Variants in TSHZ2 observed in about 807,000 individuals in gnomAD.
The protein encoded by TSHZ2 is teashirt zinc finger homeobox 2, also known as teashirt homolog 2.
Under a neutral mutation model 74.4 loss-of-function variants are expected in TSHZ2, and 21 were observed. That is an observed-to-expected ratio of 0.28 (90% CI 0.20 to 0.41). The LOEUF is 0.41. Ranked by LOEUF, TSHZ2 falls within the 10% of genes least tolerant of loss-of-function variation. The pLI is 1.00. For synonymous variants in TSHZ2, 540 were observed against 515.3 expected, an observed-to-expected ratio of 1.05 and a Z score of -0.65; for missense variants, 1,244 against 1,293.5, an observed-to-expected ratio of 0.96 and a Z score of 0.59.
At chr20:53,040,288 G>C (rs985073757) in intron 1 of TSHZ2, among the ~76,000 whole-genome samples, 1 of 152,148 alleles carries the variant, frequency 6.6e-6, no homozygotes, top group Non-Finnish European at 1.5e-5. Flanking sequence ...AAAGTCCTGG[G>C]GCAGAGTCAT....
At chr20:53,216,962 C>T (rs1989450587) in intron 1 of TSHZ2, among the ~76,000 whole-genome samples, 1 of 152,180 alleles carries the variant, frequency 6.6e-6, no homozygotes, top group Non-Finnish European at 1.5e-5. Flanking sequence ...TTGGAAACGG[C>T]CCATCCCCAG....
intron 2 of TSHZ2, among the ~76,000 whole-genome samples, chr20:53,438,102 CT>C (rs904338838): frequency 4.1e-4 from 58 of 142,680 alleles, no homozygotes; most frequent in African/African-American, 7.4e-4. Context: ...ACTTTTCTTT[CT>C]TTTTTTTTTT....
intron 2 of TSHZ2, among the ~76,000 whole-genome samples, chr20:53,377,949 G>C (rs1288959184): frequency 6.6e-6 from 1 of 152,150 alleles, no homozygotes; most frequent in Non-Finnish European, 1.5e-5. Context: ...TCAGGGATAA[G>C]TATTCTCTCT....
chr20:53,026,365 T>TTC (rs1025687748), intron 1 of TSHZ2, among the ~76,000 whole-genome samples: 1 of 151,876 alleles, frequency 6.6e-6, no homozygotes, highest in African/African-American at 2.4e-5. Flanking sequence ...TTTTTTTTTT[T>TTC]TCTCTGAGAC....
intron 1 of TSHZ2, among the ~76,000 whole-genome samples, chr20:53,116,274 C>T (rs886334404): frequency 2.0e-5 from 3 of 151,956 alleles, no homozygotes; most frequent in Admixed American, 1.3e-4. Flanking sequence ...AGGGGAGATG[C>T]CCTAGTGTTT....
intron 1 of TSHZ2, among the ~76,000 whole-genome samples, chr20:53,243,263 C>T (rs986054811): frequency 6.6e-6 from 1 of 152,136 alleles, no homozygotes; most frequent in Non-Finnish European, 1.5e-5. Context: ...GAAGAATTTT[C>T]GCTTTCAAGT....
chr20:53,439,520 T>C (rs373929975), intron 2 of TSHZ2, among the ~76,000 whole-genome samples: 38 of 152,304 alleles, frequency 2.5e-4, no homozygotes, highest in African/African-American at 9.1e-4. Context: ...TAAATAATTA[T>C]GATGCTCAGT....
intron 1 of TSHZ2, among the ~76,000 whole-genome samples, chr20:53,048,019 C>T (rs990552796): frequency 8.5e-5 from 13 of 152,146 alleles, no homozygotes; most frequent in African/African-American, 1.9e-4. Context: ...GGCTGAGTGG[C>T]GATCCCATCT....
At chr20:53,097,560 G>A (rs1254369834) in intron 1 of TSHZ2, 1 of 152,184 alleles carries the variant, frequency 6.6e-6, no homozygotes, top group African/African-American at 2.4e-5. Flanking sequence ...CTTAAAATGT[G>A]TCTTAATATT....
At chr20:53,177,575 T>C (rs904335183) in intron 1 of TSHZ2, among the ~76,000 whole-genome samples, 7 of 152,240 alleles carry the variant, frequency 4.6e-5, no homozygotes, top group African/African-American at 7.2e-5. Flanking sequence ...AGGTCTTCCA[T>C]GAATCCTTGG....
intron 2 of TSHZ2, among the ~76,000 whole-genome samples, chr20:53,267,917 C>G (rs1990752169): frequency 6.6e-6 from 1 of 152,154 alleles, no homozygotes; most frequent in Non-Finnish European, 1.5e-5. Flanking sequence ...TTTAAGAGCT[C>G]TAGTGATTGT....
chr20:53,063,142 C>T (rs1345452822), intron 1 of TSHZ2, among the ~76,000 whole-genome samples: 1 of 152,056 alleles, frequency 6.6e-6, no homozygotes, highest in Admixed American at 6.6e-5. Flanking sequence ...AAGTCTGGCA[C>T]AGAGACTTGA....
chr20:53,133,824 A>G (rs1987170054), intron 1 of TSHZ2, among the ~76,000 whole-genome samples: 1 of 152,118 alleles, frequency 6.6e-6, no homozygotes, highest in African/African-American at 2.4e-5. Context: ...GACACTGGCT[A>G]TGGGGTGTGT....
chr20:53,229,766 G>A (rs1029882040), intron 1 of TSHZ2, among the ~76,000 whole-genome samples: 6 of 150,666 alleles, frequency 4.0e-5, no homozygotes, highest in Non-Finnish European at 7.4e-5. Context: ...AAAGGAGGGG[G>A]AAAGGAGGGA....
chr20:52,986,422 A>G (rs2122896589), intron 1 of TSHZ2, among the ~76,000 whole-genome samples: 1 of 148,268 alleles, frequency 6.7e-6, no homozygotes, highest in Middle Eastern at 3.6e-3. Flanking sequence ...AAAAAAAGAA[A>G]GAAAGAAATG....
At chr20:53,266,870 C>A (rs1990730266) in intron 2 of TSHZ2, among the ~76,000 whole-genome samples, 1 of 151,160 alleles carries the variant, frequency 6.6e-6, no homozygotes, top group South Asian at 2.1e-4. Flanking sequence ...CTTCACCTCC[C>A]AGGTTCAAGC....
chr20:53,293,422 C>T (rs1991317214), intron 2 of TSHZ2, among the ~76,000 whole-genome samples: 1 of 152,044 alleles, frequency 6.6e-6, no homozygotes. Context: ...GAGATCATGC[C>T]ACTGCACTCC....
chr20:53,302,313 G>C (rs1978342819), intron 2 of TSHZ2, among the ~76,000 whole-genome samples: 1 of 152,190 alleles, frequency 6.6e-6, no homozygotes, highest in South Asian at 2.1e-4. Flanking sequence ...TGCTGGGAGT[G>C]AGGGAGAAAG....
chr20:53,154,223 T>C (rs1987739923), intron 1 of TSHZ2, among the ~76,000 whole-genome samples: 1 of 152,154 alleles, frequency 6.6e-6, no homozygotes, highest in Admixed American at 6.5e-5. Flanking sequence ...CTACATCTAA[T>C]GGGGAGTAAG....
Sources: gnomAD v4.1 joint callset for allele counts (sites outside exome capture counted in the v4.1 genomes callset) on GRCh38, gnomAD v4.1.1 for gene constraint, MANE v1.5 for transcripts, NCBI Gene and HGNC (gene_info 2026-07-23, HGNC 2026-07-21) for gene names.